The following HS3ST4 variants were observed in gnomAD, a reference collection of about 807,000 sequenced individuals.
HS3ST4 encodes the protein heparan sulfate-glucosamine 3-sulfotransferase 4.
HS3ST4 carries 17 observed loss-of-function variants against 29.2 expected under a neutral mutation model. The observed-to-expected ratio is 0.58, with a 90% CI of 0.40 to 0.87. The LOEUF is 0.87. HS3ST4 is among the 40% of genes least tolerant of loss of function. The pLI is 0.00. For missense variants in HS3ST4, 627 were observed against 634.5 expected, an observed-to-expected ratio of 0.99 and a Z score of 0.13; for synonymous variants, 314 against 285.7, an observed-to-expected ratio of 1.10 and a Z score of -1.00.
intron 1 of HS3ST4, among the ~76,000 whole-genome samples, chr16:25,904,373 A>G (rs550093447): frequency 4.0e-4 from 61 of 152,372 alleles, no homozygotes; most frequent in Non-Finnish European, 3.1e-4. Flanking sequence ...CTGGTCAAGC[A>G]TTTCCATATC....
intron 1 of HS3ST4, among the ~76,000 whole-genome samples, chr16:26,063,977 G>A (rs538854484): frequency 6.6e-6 from 1 of 152,208 alleles, no homozygotes; most frequent in Non-Finnish European, 1.5e-5. Context: ...AACACTGTCA[G>A]GATCCACTTT....
At chr16:25,700,742 G>A (rs1966329250) in intron 1 of HS3ST4, among the ~76,000 whole-genome samples, 1 of 152,180 alleles carries the variant, frequency 6.6e-6, no homozygotes, top group African/African-American at 2.4e-5. Flanking sequence ...CTCTGTAACT[G>A]TCTTGGGAAT....
chr16:25,695,820 T>G (rs1047570454), intron 1 of HS3ST4, among the ~76,000 whole-genome samples: 2 of 152,238 alleles, frequency 1.3e-5, no homozygotes, highest in East Asian at 3.8e-4. Flanking sequence ...CACTGTTTAT[T>G]TATTGTTATT....
chr16:25,787,934 A>G (rs940316581), intron 1 of HS3ST4, among the ~76,000 whole-genome samples: 1 of 152,164 alleles, frequency 6.6e-6, no homozygotes, highest in African/African-American at 2.4e-5. Flanking sequence ...TTAGTTGGCA[A>G]AGTTTGGAAT....
intron 1 of HS3ST4, among the ~76,000 whole-genome samples, chr16:25,999,337 A>G (rs1407050248): frequency 2.0e-5 from 3 of 152,138 alleles, no homozygotes; most frequent in Non-Finnish European, 4.4e-5. Context: ...TTCACTGCAC[A>G]TGGTGCTGCT....
At chr16:25,718,670 A>C (rs1966473865) in intron 1 of HS3ST4, among the ~76,000 whole-genome samples, 1 of 152,236 alleles carries the variant, frequency 6.6e-6, no homozygotes, top group Non-Finnish European at 1.5e-5. Flanking sequence ...ATTAGGTATG[A>C]TAACGAGCCT....
chr16:25,780,277 T>G (rs1183107711), intron 1 of HS3ST4, among the ~76,000 whole-genome samples: 1 of 152,186 alleles, frequency 6.6e-6, no homozygotes, highest in Non-Finnish European at 1.5e-5. Context: ...GCTATAATAA[T>G]AATGGTCCCA....
intron 1 of HS3ST4, among the ~76,000 whole-genome samples, chr16:26,069,190 G>A (rs1226489283): frequency 6.6e-6 from 1 of 152,184 alleles, no homozygotes; most frequent in African/African-American, 2.4e-5. Context: ...GGGCTCAAGT[G>A]ATACAACTGC....
chr16:25,896,970 G>A (rs1968072908), intron 1 of HS3ST4, among the ~76,000 whole-genome samples: 1 of 152,078 alleles, frequency 6.6e-6, no homozygotes, highest in Non-Finnish European at 1.5e-5. Flanking sequence ...GAGTAAAGAT[G>A]GGAACAGTAG....
At chr16:26,122,245 C>T (rs546603891) in intron 1 of HS3ST4, among the ~76,000 whole-genome samples, 13 of 151,006 alleles carry the variant, frequency 8.6e-5, no homozygotes, top group African/African-American at 3.2e-4. Flanking sequence ...GCGTGGCAAC[C>T]TTTCAAACAT....
intron 1 of HS3ST4, among the ~76,000 whole-genome samples, chr16:25,758,326 C>T (rs1037541214): frequency 1.3e-5 from 2 of 152,206 alleles, no homozygotes; most frequent in African/African-American, 2.4e-5. Flanking sequence ...ATCATGGTCT[C>T]TCTGCCTAAC....
chr16:25,913,432 G>A (rs1968259424), intron 1 of HS3ST4, among the ~76,000 whole-genome samples: 1 of 152,240 alleles, frequency 6.6e-6, no homozygotes, highest in Non-Finnish European at 1.5e-5. Context: ...GCAGAGAGCA[G>A]GGAGTCTACC....
intron 1 of HS3ST4, among the ~76,000 whole-genome samples, chr16:25,703,147 G>A (rs1370848301): frequency 6.6e-6 from 1 of 152,040 alleles, no homozygotes. Flanking sequence ...TGGTGACAGA[G>A]CAAGAGTCTG....
chr16:25,808,272 A>AT (rs1967007857), intron 1 of HS3ST4, among the ~76,000 whole-genome samples: 1 of 152,190 alleles, frequency 6.6e-6, no homozygotes, highest in Non-Finnish European at 1.5e-5. Context: ...TTTACATTTA[A>AT]GTGCACAATC....
At chr16:26,124,813 C>G (rs1294535771) in intron 1 of HS3ST4, among the ~76,000 whole-genome samples, 1 of 152,184 alleles carries the variant, frequency 6.6e-6, no homozygotes, top group Non-Finnish European at 1.5e-5. Flanking sequence ...CTTCAAAGTC[C>G]TCTTTATCCT....
chr16:25,888,586 G>T (rs1457884345), intron 1 of HS3ST4, among the ~76,000 whole-genome samples: 2 of 152,224 alleles, frequency 1.3e-5, no homozygotes, highest in Admixed American at 1.3e-4. Flanking sequence ...ACTGAGGGCA[G>T]GGTGCTGCTC....
At chr16:25,843,557 A>G (rs1967436737) in intron 1 of HS3ST4, among the ~76,000 whole-genome samples, 1 of 152,162 alleles carries the variant, frequency 6.6e-6, no homozygotes, top group Non-Finnish European at 1.5e-5. Context: ...GGGCATGAAT[A>G]CCAGGAGGCA....
intron 1 of HS3ST4, among the ~76,000 whole-genome samples, chr16:25,976,154 A>G (rs551231341): frequency 9.2e-5 from 14 of 152,318 alleles, no homozygotes; most frequent in East Asian, 3.9e-4. Context: ...TTTGTCCAGT[A>G]TTAATTAGGT....
rs370332349 is a variant in HS3ST4 at position 25,873,377 on chromosome 16, G to T, written c.734+180226G>T. On this transcript the variant is annotated intron_variant, in intron 1 of 1. Coordinates refer to ENST00000331351, the MANE Select transcript of HS3ST4 (RefSeq NM_006040.3). ...ATCCATCCACCTAGCAAGCCATCCA[G>T]TCATCCATCCATCCATCCATCCATC... 6.1e-3 allele frequency among the ~76,000 whole-genome samples: 268 copies of T among 43,690 alleles called. 1 individual carries two copies. The highest frequency in any genetic ancestry group is 0.022 in the African/African-American group (253 of 11,632). The allele number at this position is 43,690 out of a possible 152,430, so 28.7% of individuals were successfully genotyped here.
Sources: allele counts gnomAD v4.1 joint callset (sites outside exome capture counted in the v4.1 genomes callset), GRCh38; gene constraint gnomAD v4.1.1; transcripts MANE v1.5; gene names NCBI Gene and HGNC (gene_info 2026-07-23, HGNC 2026-07-21).